Variants in GJB7 observed in about 807,000 individuals in gnomAD.
The protein encoded by GJB7 is gap junction beta-7 protein.
For missense variants in GJB7, 253 were observed against 256.8 expected, an observed-to-expected ratio of 0.99 and a Z score of 0.10; for synonymous variants, 87 against 95.2, an observed-to-expected ratio of 0.91 and a Z score of 0.50.
chr6:87,292,880 C>T (rs1319047382), intron 2 of GJB7, among the ~76,000 whole-genome samples: 1 of 152,196 alleles, frequency 6.6e-6, no homozygotes, highest in Non-Finnish European at 1.5e-5. Context: ...AGAGCTCTTT[C>T]CTTCACATTG....
intron 2 of GJB7, among the ~76,000 whole-genome samples, chr6:87,320,584 G>T (rs1451130025): frequency 1.3e-5 from 2 of 152,196 alleles, no homozygotes; most frequent in Middle Eastern, 3.2e-3. Context: ...GCCCAAGGTG[G>T]TCGGGCTACA....
At chr6:87,295,098 G>A (rs183278982) in intron 2 of GJB7, among the ~76,000 whole-genome samples, 10 of 151,306 alleles carry the variant, frequency 6.6e-5, no homozygotes, top group Admixed American at 5.9e-4. Flanking sequence ...ACCTTTGGTT[G>A]TATAATTTCC....
chr6:87,311,024 CA>C, intron 2 of GJB7, among the ~76,000 whole-genome samples: 1 of 151,994 alleles, frequency 6.6e-6, no homozygotes, highest in East Asian at 1.9e-4. Context: ...TCTTTATTTC[CA>C]AATAAAAAGT....
At chr6:87,322,483 C>T (rs1352403830) in intron 2 of GJB7, 1 of 152,402 alleles carries the variant, frequency 6.6e-6, no homozygotes, top group Non-Finnish European at 1.5e-5. Context: ...GGATGGGTCC[C>T]CGCAGCCCCG....
intron 2 of GJB7, among the ~76,000 whole-genome samples, chr6:87,290,287 C>A (rs1468616004): frequency 2.0e-5 from 3 of 152,202 alleles, no homozygotes; most frequent in African/African-American, 7.2e-5. Flanking sequence ...GTGCTGGATT[C>A]TCTGGTACAT....
intron 2 of GJB7, among the ~76,000 whole-genome samples, chr6:87,312,359 A>G (rs1009863177): frequency 6.6e-6 from 1 of 152,036 alleles, no homozygotes; most frequent in African/African-American, 2.4e-5. Flanking sequence ...TAAAAATACA[A>G]AAATTAGCCA....
intron 2 of GJB7, among the ~76,000 whole-genome samples, chr6:87,314,573 C>G (rs1015322701): frequency 6.6e-6 from 1 of 152,156 alleles, no homozygotes; most frequent in African/African-American, 2.4e-5. Flanking sequence ...GCTGTAGGCC[C>G]ATCCTGACCA....
At chr6:87,318,206 CA>C (rs1172537046) in intron 2 of GJB7, among the ~76,000 whole-genome samples, 1 of 151,372 alleles carries the variant, frequency 6.6e-6, no homozygotes, top group Admixed American at 6.6e-5. Context: ...TGATGCCAGA[CA>C]GCTATACAGT....
intron 2 of GJB7, among the ~76,000 whole-genome samples, chr6:87,292,757 C>A (rs1298279819): frequency 1.3e-5 from 2 of 152,178 alleles, no homozygotes; most frequent in African/African-American, 2.4e-5. Context: ...AAATTTAACA[C>A]CTTCATTCCT....
Position 87,321,112 on chromosome 6 carries a change from G to A in GJB7, c.-28+1754C>T, listed in dbSNP as rs994698445. On this transcript the variant is annotated intron_variant, in intron 2 of 2. Coordinates refer to ENST00000525899, the MANE Select transcript of GJB7 (RefSeq NM_198568.3). ...CATACACCTGTAGTCCCAGCTACTC[G>A]GGAGGATGAGGCAGGAGAATTGCTT... Among the ~76,000 whole-genome samples the A allele has an allele frequency of 2.8e-4, 43 of 151,850 alleles. 1 individual carries two copies. The highest frequency in any genetic ancestry group is 2.2e-3 in the Admixed American group (33 of 15,242).
chr6:87,312,511 CA>C (rs58594492), intron 2 of GJB7, among the ~76,000 whole-genome samples: 10,582 of 68,294 alleles, frequency 0.15, 759 homozygotes, highest in African/African-American at 0.33. Context: ...ACTCTGTCTA[CA>C]AAAAAAAAAA....
At chr6:87,300,636 C>T (rs1776307481) in intron 2 of GJB7, among the ~76,000 whole-genome samples, 1 of 152,184 alleles carries the variant, frequency 6.6e-6, no homozygotes, top group Non-Finnish European at 1.5e-5. Flanking sequence ...ATTGTCCATG[C>T]CTACAAATAA....
chr6:87,300,835 T>C (rs1776310274), intron 2 of GJB7, among the ~76,000 whole-genome samples: 1 of 152,212 alleles, frequency 6.6e-6, no homozygotes, highest in Admixed American at 6.5e-5. Flanking sequence ...GAATAAGAAT[T>C]GTGTACAAAC....
intron 2 of GJB7, among the ~76,000 whole-genome samples, chr6:87,306,753 T>A (rs1246059218): frequency 6.6e-5 from 10 of 152,180 alleles, no homozygotes; most frequent in Admixed American, 6.5e-4. Flanking sequence ...CTATTTACAA[T>A]AGCAAAGACT....
chr6:87,324,864 A>G (rs1358190223), intron 1 of GJB7, among the ~76,000 whole-genome samples: 1 of 152,204 alleles, frequency 6.6e-6, no homozygotes, highest in Admixed American at 6.5e-5. Context: ...CTTGGGCAGT[A>G]TGGCCATTTT....
chr6:87,328,974 G>A (rs919716053), intron 1 of GJB7, among the ~76,000 whole-genome samples, 164 bp downstream of exon 1: 4 of 152,154 alleles, frequency 2.6e-5, no homozygotes, highest in Middle Eastern at 3.2e-3. Flanking sequence ...TTTTAAGCCC[G>A]TCGGAAAAGC....
At position 87,284,059 on chromosome 6, in the gene GJB7, C is replaced by T. The variant is rs1051759640; in HGVS notation, c.*182G>A. 1.2e-5 allele frequency: 7 copies of T among 587,924 alleles called. No individual in the cohort carries two copies. In the Admixed American group the frequency reaches 1.2e-4, roughly 10 times the overall value. 36.4% of individuals were successfully genotyped at this position (587,924 alleles called of 1,614,324 possible). ...TGATACTAAGGCTGATGTGCTTTGT[C>T]TTCCAACTCAGCTTAGGCCTTGCTG... On this transcript the variant is annotated 3_prime_UTR_variant, in exon 3 of 3. Coordinates refer to ENST00000525899, the MANE Select transcript of GJB7 (RefSeq NM_198568.3).
At chr6:87,318,131 T>G (rs1776609335) in intron 2 of GJB7, among the ~76,000 whole-genome samples, 1 of 151,796 alleles carries the variant, frequency 6.6e-6, no homozygotes, top group African/African-American at 2.4e-5. Context: ...TTTTTTTTTT[T>G]TTTACTAATT....
chr6:87,295,449 G>A (rs934089768), intron 2 of GJB7, among the ~76,000 whole-genome samples: 4 of 152,134 alleles, frequency 2.6e-5, no homozygotes, highest in Admixed American at 1.3e-4. Flanking sequence ...GAAGAATGGG[G>A]TGAAGGGCTC....
Sources: gnomAD v4.1 joint callset for allele counts (sites outside exome capture counted in the v4.1 genomes callset) on GRCh38, gnomAD v4.1.1 for gene constraint, MANE v1.5 for transcripts, NCBI Gene and HGNC (gene_info 2026-07-23, HGNC 2026-07-21) for gene names.